AGBL4: variants seen among roughly 807,000 people sequenced by gnomAD.
AGBL4 encodes the protein AGBL carboxypeptidase 4.
In AGBL4, 58 loss-of-function variants were observed where a neutral mutation model predicts 66.4. That is an observed-to-expected ratio of 0.87 (90% CI 0.71 to 1.09). AGBL4 has a LOEUF of 1.09. AGBL4 is among the 50% of genes least tolerant of loss of function. AGBL4 has a pLI of 0.00. For missense variants in AGBL4, 579 were observed against 631.0 expected (o/e 0.92, Z 0.88); for synonymous variants, 234 against 222.9 (o/e 1.05, Z -0.44).
chr1:48,812,685 C>A (rs1646079307), intron 6 of AGBL4, among the ~76,000 whole-genome samples: 1 of 152,148 alleles, frequency 6.6e-6, no homozygotes, highest in African/African-American at 2.4e-5. Context: ...GCACTATTCA[C>A]AACAGCAAAG....
At chr1:49,991,974 C>T (rs1445194897) in intron 1 of AGBL4, among the ~76,000 whole-genome samples, 2 of 152,148 alleles carry the variant, frequency 1.3e-5, no homozygotes, top group Non-Finnish European at 2.9e-5. Flanking sequence ...TTATGGAAGA[C>T]TTAAATATAA....
chr1:49,733,410 G>T (rs1436237290), intron 2 of AGBL4, among the ~76,000 whole-genome samples: 1 of 152,164 alleles, frequency 6.6e-6, no homozygotes, highest in Non-Finnish European at 1.5e-5. Context: ...TCTCTAAAAG[G>T]CACAATATCG....
chr1:49,757,449 C>T (rs945683193), intron 2 of AGBL4, among the ~76,000 whole-genome samples: 6 of 152,126 alleles, frequency 3.9e-5, no homozygotes, highest in Non-Finnish European at 5.9e-5. Flanking sequence ...CAAAAGAAGA[C>T]AGAAAAGCGT....
intron 9 of AGBL4, among the ~76,000 whole-genome samples, chr1:48,628,821 A>ACCCACCC (rs1349811017): frequency 1.1e-5 from 1 of 87,404 alleles, no homozygotes; most frequent in East Asian, 4.2e-4. Flanking sequence ...TCCTTGGATC[A>ACCCACCC]CCCACCCCCC....
chr1:48,587,265 T>A, intron 10 of AGBL4, 99 bp from the exon 11 acceptor site: 1 of 1,182,890 alleles, frequency 8.5e-7, no homozygotes, highest in Non-Finnish European at 1.2e-6. Flanking sequence ...CTTCACTGTC[T>A]GAAGAGTGGG....
chr1:49,307,296 C>A (rs1028628354), intron 3 of AGBL4, among the ~76,000 whole-genome samples: 14 of 152,144 alleles, frequency 9.2e-5, no homozygotes, highest in Admixed American at 2.0e-4. Flanking sequence ...ATTTGACAAA[C>A]TCCAAATTCT....
intron 3 of AGBL4, among the ~76,000 whole-genome samples, chr1:49,478,505 T>A (rs1646890120): frequency 6.6e-6 from 1 of 151,762 alleles, no homozygotes; most frequent in Non-Finnish European, 1.5e-5. Context: ...TAACCTTCAA[T>A]CATGAAGGAG....
intron 1 of AGBL4, among the ~76,000 whole-genome samples, chr1:49,882,434 G>C (rs1453887970): frequency 1.3e-5 from 2 of 151,248 alleles, no homozygotes; most frequent in Non-Finnish European, 2.9e-5. Context: ...GAAAGTCATT[G>C]GTAGCTTGAT....
intron 6 of AGBL4, among the ~76,000 whole-genome samples, chr1:48,780,371 T>A (rs1645264934): frequency 6.6e-6 from 1 of 152,088 alleles, no homozygotes; most frequent in African/African-American, 2.4e-5. Context: ...ATTTATAGAT[T>A]CAATGCTATC....
intron 3 of AGBL4, among the ~76,000 whole-genome samples, chr1:49,371,100 C>T (rs1262903951): frequency 6.6e-6 from 1 of 152,168 alleles, no homozygotes; most frequent in Non-Finnish European, 1.5e-5. Context: ...CCCCTGGGCA[C>T]CCAGGCTACT....
chr1:49,325,211 G>A (rs575528439), intron 3 of AGBL4, among the ~76,000 whole-genome samples: 1 of 152,272 alleles, frequency 6.6e-6, no homozygotes, highest in African/African-American at 2.4e-5. Context: ...ATTTTTGGTA[G>A]AGACGGGTTT....
At chr1:49,308,839 T>C (rs1644895575) in intron 3 of AGBL4, among the ~76,000 whole-genome samples, 1 of 152,056 alleles carries the variant, frequency 6.6e-6, no homozygotes. Flanking sequence ...ATAAAAAGGG[T>C]CATTAACTCT....
chr1:49,559,395 G>A (rs1165102743), intron 3 of AGBL4, among the ~76,000 whole-genome samples: 1 of 152,120 alleles, frequency 6.6e-6, no homozygotes, highest in East Asian at 1.9e-4. Context: ...AGCAGATACA[G>A]CTTAAATTAT....
intron 11 of AGBL4, among the ~76,000 whole-genome samples, chr1:48,581,224 T>C (rs1644735599): frequency 6.6e-6 from 1 of 152,214 alleles, no homozygotes; most frequent in Admixed American, 6.5e-5. Context: ...AGCTTCAATG[T>C]GTGATGTAGG....
chr1:48,772,542 G>T (rs566432098), intron 6 of AGBL4, among the ~76,000 whole-genome samples: 2 of 152,214 alleles, frequency 1.3e-5, no homozygotes, highest in African/African-American at 4.8e-5. Context: ...GGGGAAGAGA[G>T]AGTGAGGCTG....
At chr1:48,812,183 C>T (rs891600693) in intron 6 of AGBL4, among the ~76,000 whole-genome samples, 2 of 152,108 alleles carry the variant, frequency 1.3e-5, no homozygotes, top group Non-Finnish European at 2.9e-5. Flanking sequence ...TGAGTCAGGC[C>T]AAGAGGCATA....
chr1:48,949,430 CAG>C (rs772481288), intron 5 of AGBL4, among the ~76,000 whole-genome samples: 5 of 152,182 alleles, frequency 3.3e-5, no homozygotes, highest in Non-Finnish European at 5.9e-5. Flanking sequence ...GACTCCTGCA[CAG>C]AGTCTATATA....
intron 3 of AGBL4, among the ~76,000 whole-genome samples, chr1:49,397,808 T>C (rs1466504882): frequency 2.6e-5 from 4 of 152,060 alleles, no homozygotes; most frequent in Admixed American, 2.6e-4. Flanking sequence ...CGTTCATCCA[T>C]TTATCTACAC....
intron 6 of AGBL4, among the ~76,000 whole-genome samples, chr1:48,749,044 A>C (rs548077231): frequency 6.6e-6 from 1 of 152,186 alleles, no homozygotes; most frequent in African/African-American, 2.4e-5. Context: ...CCCCCTTTCC[A>C]AGGGGGAGAA....
Sources: allele counts gnomAD v4.1 joint callset (sites outside exome capture counted in the v4.1 genomes callset), GRCh38; gene constraint gnomAD v4.1.1; transcripts MANE v1.5; gene names NCBI Gene and HGNC (gene_info 2026-07-23, HGNC 2026-07-21).